GADL1: variants seen among roughly 807,000 people sequenced by gnomAD.
GADL1 encodes acidic amino acid decarboxylase GADL1.
GADL1 carries 71 observed loss-of-function variants against 69.5 expected under a neutral mutation model. The observed-to-expected ratio is 1.02, with a 90% CI of 0.84 to 1.25. GADL1 has a LOEUF of 1.25. GADL1 is among the 50% of genes most tolerant of loss of function. The pLI, the probability that GADL1 is intolerant of heterozygous loss-of-function variation, is 0.00. For synonymous variants in GADL1, 254 were observed against 214.4 expected (o/e 1.18, Z -1.62); for missense variants, 737 against 631.8 (o/e 1.17, Z -1.79).
chr3:30,857,370 T>C (rs1345593917), intron 2 of GADL1, among the ~76,000 whole-genome samples: 1 of 152,038 alleles, frequency 6.6e-6, no homozygotes, highest in East Asian at 1.9e-4. Context: ...GTGATACTGA[T>C]ATCTAAGTTG....
chr3:30,838,619 A>G (rs1278693699), intron 9 of GADL1, among the ~76,000 whole-genome samples: 3 of 152,156 alleles, frequency 2.0e-5, no homozygotes, highest in Non-Finnish European at 2.9e-5. Context: ...CAAATGAAGA[A>G]ATTGAAATCC....
At chr3:30,858,574 A>C (rs1575237453) in intron 2 of GADL1, among the ~76,000 whole-genome samples, 1 of 151,994 alleles carries the variant, frequency 6.6e-6, no homozygotes, top group Non-Finnish European at 1.5e-5. Context: ...GGATCATCCC[A>C]AGGTTTCCAG....
intron 13 of GADL1, 55 bp from the exon 14 acceptor site, chr3:30,778,323 A>AT (rs1460578990): frequency 4.5e-6 from 5 of 1,122,432 alleles, no homozygotes; most frequent in South Asian, 1.3e-5. Flanking sequence ...TTAGAATGCA[A>AT]TGAAATACTT....
chr3:30,859,275 G>C (rs1448677847), intron 2 of GADL1, among the ~76,000 whole-genome samples: 1 of 151,948 alleles, frequency 6.6e-6, no homozygotes, highest in African/African-American at 2.4e-5. Flanking sequence ...CAAGTAGTAT[G>C]AAATTAAACT....
chr3:30,803,087 G>A (rs753813160), intron 11 of GADL1, among the ~76,000 whole-genome samples: 1 of 152,212 alleles, frequency 6.6e-6, no homozygotes, highest in Non-Finnish European at 1.5e-5. Context: ...GTGGGACCCT[G>A]TCTCTAGAAT....
intron 1 of GADL1, among the ~76,000 whole-genome samples, chr3:30,874,518 C>A (rs11718303): frequency 0.16 from 24,262 of 151,806 alleles, 2,348 homozygotes; most frequent in Admixed American, 0.3. Flanking sequence ...GCTTTACAAG[C>A]ACTTACAGAT....
At chr3:30,737,702 C>T (rs1384457110) in intron 14 of GADL1, among the ~76,000 whole-genome samples, 1 of 152,080 alleles carries the variant, frequency 6.6e-6, no homozygotes, top group Non-Finnish European at 1.5e-5. Flanking sequence ...ATCATTTTAG[C>T]TTGGCAGAAT....
chr3:30,767,916 T>C (rs1304757130), intron 14 of GADL1, among the ~76,000 whole-genome samples: 1 of 151,876 alleles, frequency 6.6e-6, no homozygotes, highest in African/African-American at 2.4e-5. Flanking sequence ...ACTTAAAATA[T>C]GAAAAAAATG....
chr3:30,825,412 A>G (rs1310626716), intron 11 of GADL1, among the ~76,000 whole-genome samples: 1 of 151,962 alleles, frequency 6.6e-6, no homozygotes, highest in Non-Finnish European at 1.5e-5. Flanking sequence ...ATGGACTTGG[A>G]TTAACACTTT....
rs556792162 is a variant in GADL1, at chr3:30,837,268, T to A, written c.903+1729A>T. On this transcript the variant is annotated intron_variant, in intron 9 of 14. Transcript: ENST00000282538. ...TTTCTTTAATAAAGTACCTATGGCA[T>A]ATGAAGTTTCTTCAAGATAAGCTAC... is the stretch of plus-strand genomic sequence containing the variant. 7.2e-5 allele frequency among the ~76,000 whole-genome samples: 11 copies of A among 152,254 alleles called. No individual in the cohort carries two copies. The East Asian group carries it at 2.1e-3, about 29-fold the overall frequency.
intron 11 of GADL1, among the ~76,000 whole-genome samples, chr3:30,815,326 T>C (rs1274326849): frequency 4.6e-5 from 7 of 151,912 alleles, no homozygotes; most frequent in African/African-American, 1.7e-4. Flanking sequence ...AGTAGACAGT[T>C]CTCTCTGGTC....
At chr3:30,835,299 A>G (rs1697856294) in intron 9 of GADL1, among the ~76,000 whole-genome samples, 1 of 152,094 alleles carries the variant, frequency 6.6e-6, no homozygotes, top group Admixed American at 6.6e-5. Context: ...TTTAGGCAAT[A>G]GGTAAGTTCA....
intron 11 of GADL1, among the ~76,000 whole-genome samples, chr3:30,805,349 G>A (rs1009981417): frequency 2.0e-5 from 3 of 152,156 alleles, no homozygotes; most frequent in Admixed American, 6.5e-5. Flanking sequence ...ACTTAAATAC[G>A]TGTGAAAGAG....
chr3:30,842,559 A>AG (rs1314290814), intron 8 of GADL1, among the ~76,000 whole-genome samples: 3 of 152,056 alleles, frequency 2.0e-5, no homozygotes, highest in African/African-American at 7.2e-5. Flanking sequence ...GGAGAAAGGG[A>AG]GGAAGGAAGG....
intron 1 of GADL1, among the ~76,000 whole-genome samples, chr3:30,893,124 G>A (rs1698806737): frequency 1.3e-5 from 2 of 152,202 alleles, no homozygotes; most frequent in South Asian, 4.1e-4. Flanking sequence ...CCAAAGTGCT[G>A]GGATTATAGG....
rs747909841 is a variant in GADL1, at chr3:30,727,523, A to G, written c.*719T>C. ...ATAAAACATAAATCTCTATGAAGTA[A>G]ACATCTTATACAGTTTCTCTCTTTA... is the stretch of plus-strand genomic sequence containing the variant. On this transcript the variant is annotated 3_prime_UTR_variant, in exon 15 of 15. Coordinates refer to ENST00000282538, the MANE Select transcript of GADL1 (RefSeq NM_207359.3). 3.3e-5 allele frequency: 5 copies of G among 151,922 alleles called. No individual in the cohort carries two copies. Among genetic ancestry groups the G allele is most frequent in the Non-Finnish European group, 5.9e-5 (4 of 68,004 alleles). 9.4% of individuals were successfully genotyped at this position (151,922 alleles called of 1,614,324 possible). A position where few individuals can be genotyped will look rare whatever the true frequency, so the allele number is the denominator to read the frequency against.
chr3:30,848,187 C>T (rs1698087075), intron 6 of GADL1, among the ~76,000 whole-genome samples: 1 of 152,128 alleles, frequency 6.6e-6, no homozygotes, highest in Non-Finnish European at 1.5e-5. Context: ...TACTTTTTCC[C>T]AGCTGTCCAC....
chr3:30,866,039 T>C (rs1320412093), intron 1 of GADL1, among the ~76,000 whole-genome samples: 1 of 152,244 alleles, frequency 6.6e-6, no homozygotes, highest in Non-Finnish European at 1.5e-5. Context: ...TTTTGAGAGA[T>C]AGCCTCTTCC....
At chr3:30,753,116 G>A (rs1307836574) in intron 14 of GADL1, among the ~76,000 whole-genome samples, 1 of 152,006 alleles carries the variant, frequency 6.6e-6, no homozygotes, top group Non-Finnish European at 1.5e-5. Flanking sequence ...TTTCTTATGG[G>A]TGAGTCAGTT....
Sources: gnomAD v4.1 joint callset for allele counts (sites outside exome capture counted in the v4.1 genomes callset) on GRCh38, gnomAD v4.1.1 for gene constraint, MANE v1.5 for transcripts, NCBI Gene and HGNC (gene_info 2026-07-23, HGNC 2026-07-21) for gene names.